Variants in PCDHA10 observed in about 807,000 individuals in gnomAD.
The protein encoded by PCDHA10 is protocadherin alpha 10.
Under a neutral mutation model 61.2 loss-of-function variants are expected in PCDHA10, and 45 were observed. The observed-to-expected ratio is 0.74, with a 90% CI of 0.58 to 0.94. The LOEUF (loss-of-function observed/expected upper bound fraction) is 0.94, where lower values mean the gene tolerates loss of function less well. PCDHA10 is among the 40% of genes least tolerant of loss of function. The pLI is 0.00. For missense variants in PCDHA10, 1,278 were observed against 1,236.2 expected (o/e 1.03, Z -0.51); for synonymous variants, 602 against 548.8 (o/e 1.10, Z -1.35).
chr5:140,925,208 T>C (rs1201764361), intron 1 of PCDHA10, among the ~76,000 whole-genome samples: 2 of 152,190 alleles, frequency 1.3e-5, no homozygotes, highest in African/African-American at 4.8e-5. Context: ...TAATTATCGA[T>C]ACTTTTAGGC....
Position 140,921,480 on chromosome 5 carries a change from A to G in PCDHA10, c.2389-57469A>G, listed in dbSNP as rs201609452. On this transcript the variant is annotated intron_variant, in intron 1 of 3. Coordinates refer to ENST00000307360, the MANE Select transcript of PCDHA10 (RefSeq NM_018901.4). ...CCTGCAACCACTACCAAACCACTCT[A>G]CCTGAGATTAGTTTATTAGATAGTG... 4.8e-4 allele frequency among the ~76,000 whole-genome samples: 73 copies of G among 152,306 alleles called. No homozygotes were observed. In the East Asian group the frequency reaches 0.011, roughly 22 times the overall value.
intron 1 of PCDHA10, among the ~76,000 whole-genome samples, chr5:140,954,774 A>G (rs1396315075): frequency 1.3e-5 from 2 of 152,120 alleles, no homozygotes; most frequent in Admixed American, 1.3e-4. Flanking sequence ...TCTTTAATTT[A>G]ATTAGATCTC....
intron 1 of PCDHA10, chr5:140,884,324 G>T (rs782624216): frequency 1.2e-6 from 2 of 1,613,840 alleles, no homozygotes; most frequent in Non-Finnish European, 1.7e-6. Context: ...GTCGGCAGGC[G>T]CTGTGGGTCC....
At chr5:140,948,620 TTAA>T (rs1422284059) in intron 1 of PCDHA10, among the ~76,000 whole-genome samples, 3 of 151,714 alleles carry the variant, frequency 2.0e-5, no homozygotes, top group Non-Finnish European at 4.4e-5. Context: ...CACAAAGTTG[TTAA>T]TAATATTCTC....
intron 3 of PCDHA10, among the ~76,000 whole-genome samples, chr5:140,985,992 G>A (rs1173402846): frequency 3.3e-5 from 5 of 152,068 alleles, no homozygotes; most frequent in African/African-American, 4.8e-5. Context: ...GCCCACCTCA[G>A]CCTCCCAAAG....
intron 1 of PCDHA10, chr5:140,876,583 C>T: frequency 1.9e-6 from 3 of 1,614,194 alleles, no homozygotes; most frequent in Non-Finnish European, 2.5e-6. Flanking sequence ...CGTCATTGCC[C>T]TGATTAGCGT....
rs114961630 is a variant in PCDHA10 at position 140,926,715 on chromosome 5, G to A, written c.2389-52234G>A. 1,110 of 952,350 alleles carry A rather than the reference G, an allele frequency of 1.2e-3. 9 individuals carry two copies. The African/African-American group carries it at 0.017, about 15-fold the overall frequency. The allele number at this position is 952,350 out of a possible 1,614,324, so 59.0% of individuals were successfully genotyped here. A position where few individuals can be genotyped will look rare whatever the true frequency, so the allele number is the denominator to read the frequency against. On this transcript the variant is annotated intron_variant, in intron 1 of 3. Transcript: ENST00000307360. ...GCCCGGCTCCCAGCTGGCCAGCCCC[G>A]GCAATGCCGGCGTTCGGGAGGCGCA... is the stretch of plus-strand genomic sequence containing the variant.
rs1554213778 is a variant in PCDHA10, at chr5:140,941,190, T to TC, written c.2389-37759_2389-37758insC. ...CCATCTTGAACATCCTGCTTCTTTT[T>TC]TTTTCTTTCTTCCTTTCTTTCTTCC... On this transcript the variant is annotated intron_variant, in intron 1 of 3. Coordinates refer to ENST00000307360, the MANE Select transcript of PCDHA10 (RefSeq NM_018901.4). Among the ~76,000 whole-genome samples, 446 of 129,506 alleles carry TC rather than the reference T, an allele frequency of 3.4e-3. 3 individuals are homozygous for TC. Among genetic ancestry groups the TC allele is most frequent in the South Asian group, 0.026 (101 of 3,954 alleles). The allele number at this position is 129,506 out of a possible 152,430, so 85.0% of individuals were successfully genotyped here.
chr5:140,956,137 A>C (rs374405911), intron 1 of PCDHA10, among the ~76,000 whole-genome samples: 1 of 152,114 alleles, frequency 6.6e-6, no homozygotes. Flanking sequence ...AATACCCTTT[A>C]TTTCTTTCTC....
intron 1 of PCDHA10, chr5:140,882,745 T>A (rs782756975): frequency 4.3e-6 from 7 of 1,614,124 alleles, no homozygotes; most frequent in African/African-American, 1.3e-5. Flanking sequence ...GCGCATCCGA[T>A]GCAGATATTG....
At chr5:140,947,010 A>C (rs924112965) in intron 1 of PCDHA10, among the ~76,000 whole-genome samples, 7 of 151,752 alleles carry the variant, frequency 4.6e-5, no homozygotes, top group African/African-American at 1.4e-4. Flanking sequence ...AGAAATGATA[A>C]ATGTTTGAGG....
intron 1 of PCDHA10, among the ~76,000 whole-genome samples, chr5:140,934,631 G>A (rs2089960013): frequency 6.6e-6 from 1 of 151,984 alleles, no homozygotes; most frequent in African/African-American, 2.4e-5. Flanking sequence ...GTTCACACAG[G>A]AAAGGCAGGA....
intron 3 of PCDHA10, among the ~76,000 whole-genome samples, chr5:141,001,404 T>A (rs965496882): frequency 1.3e-4 from 20 of 152,072 alleles, no homozygotes; most frequent in African/African-American, 4.8e-4. Context: ...GAACAGGGAG[T>A]ATATTTTTAC....
intron 3 of PCDHA10, among the ~76,000 whole-genome samples, chr5:140,985,740 T>C (rs992695405): frequency 1.9e-5 from 1 of 53,688 alleles, no homozygotes; most frequent in Admixed American, 1.9e-4. Context: ...GATGAATTCC[T>C]TTTTTTTTTT....
At chr5:140,963,210 C>T (rs1200019403) in intron 1 of PCDHA10, among the ~76,000 whole-genome samples, 1 of 151,742 alleles carries the variant, frequency 6.6e-6, no homozygotes, top group East Asian at 1.9e-4. Flanking sequence ...AAAAAAACCT[C>T]GTGTTTAGAG....
At chr5:140,941,255 C>CTCTT (rs1554214207) in intron 1 of PCDHA10, among the ~76,000 whole-genome samples, 2 of 44,508 alleles carry the variant, frequency 4.5e-5, no homozygotes, top group African/African-American at 1.4e-4. Context: ...TTCTTTCTTT[C>CTCTT]TCTTTCTTTC....
chr5:140,906,137 G>C (rs1462672499), intron 1 of PCDHA10, among the ~76,000 whole-genome samples: 1 of 152,008 alleles, frequency 6.6e-6, no homozygotes, highest in East Asian at 1.9e-4. Context: ...AGTCTCCTTT[G>C]ATAACACCCT....
At chr5:140,904,314 T>C (rs1554191432) in intron 1 of PCDHA10, among the ~76,000 whole-genome samples, 1 of 152,080 alleles carries the variant, frequency 6.6e-6, no homozygotes, top group Admixed American at 6.6e-5. Flanking sequence ...TTTCTTCACT[T>C]AGAATAATGG....
intron 1 of PCDHA10, chr5:140,863,348 C>G (rs548906600): frequency 3.0e-5 from 39 of 1,313,260 alleles, no homozygotes; most frequent in Non-Finnish European, 4.0e-5. Flanking sequence ...CTGCTGTACA[C>G]GACGCTGCGG....
Sources: allele counts gnomAD v4.1 joint callset (sites outside exome capture counted in the v4.1 genomes callset), GRCh38; gene constraint gnomAD v4.1.1; transcripts MANE v1.5; gene names NCBI Gene and HGNC (gene_info 2026-07-23, HGNC 2026-07-21).